PPFIA2: variants seen among roughly 807,000 people sequenced by gnomAD.
PPFIA2 encodes the protein liprin-alpha-2.
A neutral mutation model predicts 175.5 loss-of-function variants in PPFIA2; 46 were observed. That is an observed-to-expected ratio of 0.26 (90% CI 0.21 to 0.34). PPFIA2 has a LOEUF of 0.34. Ranked by LOEUF, PPFIA2 falls within the 10% of genes least tolerant of loss-of-function variation. PPFIA2 has a pLI of 1.00. For missense variants in PPFIA2, 1,179 were observed against 1,506.1 expected (o/e 0.78, Z 3.60); for synonymous variants, 568 against 511.4 (o/e 1.11, Z -1.49).
At chr12:81,655,386 T>C (rs1463661267) in intron 4 of PPFIA2, among the ~76,000 whole-genome samples, 2 of 151,654 alleles carry the variant, frequency 1.3e-5, no homozygotes, top group Non-Finnish European at 2.9e-5. Flanking sequence ...TAAATGTTTA[T>C]ATAATTGATT....
At chr12:81,607,019 T>A (rs1230060985) in intron 4 of PPFIA2, among the ~76,000 whole-genome samples, 1 of 152,112 alleles carries the variant, frequency 6.6e-6, no homozygotes, top group Non-Finnish European at 1.5e-5. Context: ...CCAGTTTCAA[T>A]CTTCTACATG....
intron 3 of PPFIA2, among the ~76,000 whole-genome samples, chr12:81,735,319 G>A (rs1434002242): frequency 2.0e-5 from 3 of 151,692 alleles, no homozygotes; most frequent in African/African-American, 7.3e-5. Context: ...TGTGAAATGT[G>A]GTTTTAATTT....
chr12:81,701,092 T>C (rs888825456), intron 3 of PPFIA2, among the ~76,000 whole-genome samples: 2 of 152,148 alleles, frequency 1.3e-5, no homozygotes, highest in African/African-American at 4.8e-5. Context: ...TGAAACGGCT[T>C]CCTTCTGCAC....
In PPFIA2 at chr12:81,711,548, T is replaced by C. The variant is rs560230339; in HGVS notation, c.250-34704A>G. Among the ~76,000 whole-genome samples the C allele has an allele frequency of 1.3e-4, 20 of 151,632 alleles. No individual in the cohort carries two copies. In the South Asian group the frequency reaches 4.2e-3, roughly 32 times the overall value. Reference sequence around the variant, plus strand: ...TTCTTCATTGATCCCAGTATAATTATTGTGCTATAGTAATAACACCTGTAT... The same window carrying C: ...TTCTTCATTGATCCCAGTATAATTACTGTGCTATAGTAATAACACCTGTAT... On this transcript the variant is annotated intron_variant, in intron 3 of 32. Coordinates refer to ENST00000549396, the MANE Select transcript of PPFIA2 (RefSeq NM_003625.5).
At chr12:81,603,990 C>T (rs1280654624) in intron 4 of PPFIA2, among the ~76,000 whole-genome samples, 2 of 151,514 alleles carry the variant, frequency 1.3e-5, no homozygotes, top group Non-Finnish European at 3.0e-5. Flanking sequence ...GCTTTGGGGA[C>T]AGGATTATCA....
chr12:81,490,303 A>G (rs1402285406), intron 4 of PPFIA2, among the ~76,000 whole-genome samples: 2 of 151,978 alleles, frequency 1.3e-5, no homozygotes, highest in Non-Finnish European at 2.9e-5. Context: ...CCCACTGAAA[A>G]TAGCCAATCT....
chr12:81,607,995 T>C (rs2060504344), intron 4 of PPFIA2, among the ~76,000 whole-genome samples: 4 of 152,156 alleles, frequency 2.6e-5, no homozygotes, highest in African/African-American at 9.7e-5. Flanking sequence ...TGGGGGTTTT[T>C]ATCATGAAGA....
At chr12:81,618,764 C>T (rs2061697523) in intron 4 of PPFIA2, among the ~76,000 whole-genome samples, 1 of 151,818 alleles carries the variant, frequency 6.6e-6, no homozygotes, top group Non-Finnish European at 1.5e-5. Flanking sequence ...CATCTCCTGA[C>T]CTCGTGATCC....
At chr12:81,615,597 A>T (rs1342884150) in intron 4 of PPFIA2, among the ~76,000 whole-genome samples, 1 of 152,162 alleles carries the variant, frequency 6.6e-6, no homozygotes, top group Non-Finnish European at 1.5e-5. Context: ...CCAGTAATTA[A>T]CCTGAATATT....
chr12:81,691,207 G>A (rs891215695), intron 3 of PPFIA2, among the ~76,000 whole-genome samples: 3 of 152,054 alleles, frequency 2.0e-5, no homozygotes, highest in Non-Finnish European at 4.4e-5. Context: ...AAACTTTCTT[G>A]ACCAGCCCAG....
chr12:81,346,917 T>TA (rs879867441), intron 18 of PPFIA2, among the ~76,000 whole-genome samples: 23 of 151,480 alleles, frequency 1.5e-4, no homozygotes, highest in East Asian at 3.9e-4. Flanking sequence ...ATTCAATTTT[T>TA]AAAAAAAAAT....
At chr12:81,425,520 A>G (rs2046989058) in intron 7 of PPFIA2, among the ~76,000 whole-genome samples, 1 of 151,846 alleles carries the variant, frequency 6.6e-6, no homozygotes, top group Non-Finnish European at 1.5e-5. Context: ...AAATTTTTGT[A>G]TTTTTATGTA....
At chr12:81,323,700 A>G (rs758562318) in intron 22 of PPFIA2, among the ~76,000 whole-genome samples, 25 of 152,072 alleles carry the variant, frequency 1.6e-4, no homozygotes, top group Non-Finnish European at 3.4e-4. Context: ...ATTTGAAACC[A>G]TGTAATTTAA....
intron 3 of PPFIA2, among the ~76,000 whole-genome samples, chr12:81,735,877 C>T (rs571241046): frequency 7.9e-5 from 12 of 151,862 alleles, no homozygotes; most frequent in Non-Finnish European, 1.3e-4. Flanking sequence ...TGTTGAAAAT[C>T]AATTGACCAT....
At chr12:81,699,019 C>T (rs948468724) in intron 3 of PPFIA2, among the ~76,000 whole-genome samples, 11 of 152,062 alleles carry the variant, frequency 7.2e-5, no homozygotes, top group African/African-American at 2.6e-4. Context: ...TCAGAAAAGC[C>T]TTAGATCACA....
intron 3 of PPFIA2, among the ~76,000 whole-genome samples, chr12:81,706,593 T>C (rs1426596065): frequency 6.6e-6 from 1 of 152,122 alleles, no homozygotes; most frequent in Non-Finnish European, 1.5e-5. Flanking sequence ...AAACATCAGG[T>C]AGAAATGTAT....
chr12:81,519,374 G>A (rs542358829), intron 4 of PPFIA2, among the ~76,000 whole-genome samples: 1 of 152,304 alleles, frequency 6.6e-6, no homozygotes, highest in South Asian at 2.1e-4. Context: ...CAGTCACAAT[G>A]TAGTTCCCAA....
At chr12:81,341,347 T>C in intron 19 of PPFIA2, 139 bp from the exon 20 acceptor site, 1 of 687,132 alleles carries the variant, frequency 1.5e-6, no homozygotes, top group Non-Finnish European at 2.3e-6. Flanking sequence ...CATTTAAGTC[T>C]TACATACATA....
In PPFIA2 at chr12:81,277,425, T is replaced by A. The variant is rs566328815; in HGVS notation, c.3213-11A>T. The A allele has an allele frequency of 5.2e-5, 77 of 1,485,644 alleles. No individual in the cohort carries two copies. The highest frequency in any genetic ancestry group is 2.5e-4 in the East Asian group (10 of 40,064). The allele number at this position is 1,485,644 out of a possible 1,614,324, so 92.0% of individuals were successfully genotyped here. A position where few individuals can be genotyped will look rare whatever the true frequency, so the allele number is the denominator to read the frequency against. On this transcript the variant is annotated splice_polypyrimidine_tract_variant and intron_variant, in intron 27 of 32. Coordinates refer to ENST00000549396, the MANE Select transcript of PPFIA2 (RefSeq NM_003625.5). ...TATTGTAAACTTGTTCTTTTTTTTT[T>A]ATTAAAAAAAAAAAAACACAGTGAG... is the stretch of plus-strand genomic sequence containing the variant.
Sources: gnomAD v4.1 joint callset for allele counts (sites outside exome capture counted in the v4.1 genomes callset) on GRCh38, gnomAD v4.1.1 for gene constraint, MANE v1.5 for transcripts, NCBI Gene and HGNC (gene_info 2026-07-23, HGNC 2026-07-21) for gene names.